The following METTL24 variants were observed in gnomAD, a reference collection of about 807,000 sequenced individuals.
METTL24 encodes the protein probable methyltransferase-like protein 24.
In METTL24, 29 loss-of-function variants were observed where a neutral mutation model predicts 32.7. That is an observed-to-expected ratio of 0.89 (90% CI 0.66 to 1.21). The LOEUF is 1.21. Ranked by LOEUF, METTL24 falls within the 50% of genes most tolerant of loss-of-function variation. METTL24 has a pLI of 0.00. For synonymous variants in METTL24, 163 were observed against 179.5 expected, an observed-to-expected ratio of 0.91 and a Z score of 0.73; for missense variants, 439 against 468.1, an observed-to-expected ratio of 0.94 and a Z score of 0.57.
At chr6:110,253,867 A>C (rs1286113271) in intron 4 of METTL24, 4 of 1,415,700 alleles carry the variant, frequency 2.8e-6, no homozygotes, top group Non-Finnish European at 3.7e-6. Flanking sequence ...TTTTCCTCTA[A>C]AATTTTCTCT....
At chr6:110,314,393 C>T (rs559328387) in intron 3 of METTL24, among the ~76,000 whole-genome samples, 157 of 152,124 alleles carry the variant, frequency 1.0e-3, no homozygotes, top group African/African-American at 3.5e-3. Flanking sequence ...TATATAAATA[C>T]GGGTACATTT....
At chr6:110,293,463 G>A (rs1386048726) in intron 4 of METTL24, among the ~76,000 whole-genome samples, 1 of 151,750 alleles carries the variant, frequency 6.6e-6, no homozygotes, top group Non-Finnish European at 1.5e-5. Context: ...TTGTTTGATA[G>A]TTTTTCATTA....
At chr6:110,350,459 G>A (rs1378298154) in intron 1 of METTL24, among the ~76,000 whole-genome samples, 3 of 152,000 alleles carry the variant, frequency 2.0e-5, no homozygotes, top group Non-Finnish European at 4.4e-5. Flanking sequence ...AGTTGCAAGG[G>A]GGGCTGTGAA....
intron 1 of METTL24, among the ~76,000 whole-genome samples, chr6:110,346,855 G>T (rs1185935034): frequency 6.6e-6 from 1 of 152,044 alleles, no homozygotes; most frequent in East Asian, 1.9e-4. Flanking sequence ...GTATGATGGA[G>T]GTGAAATAGA....
chr6:110,315,859 G>C (rs1699398073), intron 2 of METTL24, among the ~76,000 whole-genome samples: 1 of 152,236 alleles, frequency 6.6e-6, no homozygotes, highest in African/African-American at 2.4e-5. Context: ...ACCAAGAAGG[G>C]CAGTCCAGAC....
intron 1 of METTL24, among the ~76,000 whole-genome samples, chr6:110,324,928 T>G (rs1771992309): frequency 6.6e-6 from 1 of 152,246 alleles, no homozygotes; most frequent in Non-Finnish European, 1.5e-5. Context: ...GGGAGACAGA[T>G]ATGTACAAAA....
At chr6:110,297,756 T>C (rs895053690) in intron 4 of METTL24, among the ~76,000 whole-genome samples, 2 of 152,242 alleles carry the variant, frequency 1.3e-5, no homozygotes, top group Non-Finnish European at 2.9e-5. Context: ...TCTGAGATTT[T>C]ACCCAAAAAT....
At chr6:110,352,540 A>G (rs1772626109) in intron 1 of METTL24, among the ~76,000 whole-genome samples, 1 of 152,010 alleles carries the variant, frequency 6.6e-6, no homozygotes, top group Non-Finnish European at 1.5e-5. Context: ...TTCAATTTTC[A>G]TTCAATTATT....
chr6:110,299,177 C>T (rs769502702), intron 3 of METTL24, 27 bp from the exon 4 acceptor site: 1 of 1,600,248 alleles, frequency 6.2e-7, no homozygotes, highest in Non-Finnish European at 8.5e-7. Flanking sequence ...CGGAAATCAA[C>T]AACAAAAAAT....
chr6:110,350,776 A>ATAAAATAAAG, intron 1 of METTL24, among the ~76,000 whole-genome samples: 1 of 130,766 alleles, frequency 7.6e-6, no homozygotes, highest in Non-Finnish European at 1.6e-5. Context: ...ATAAAATAAA[A>ATAAAATAAAG]TAAAATAAAA....
chr6:110,246,133 T>C lies in METTL24; in HGVS notation c.914A>G (p.Glu305Gly). Reference protein sequence around the residue: ...FEIHLHWPGFEVSGSDSSVVR... With the variant: ...FEIHLHWPGFGVSGSDSSVVR... ...AACGCTGCTGTCACTGCCACTGACC[T>C]CAAACCCAGGCCAGTGGAGATGGAT... is the stretch of plus-strand genomic sequence containing the variant. Residue 305 changes from glutamate to glycine, a missense_variant, in exon 5 of 5, where the codon GAG becomes GGG. Transcript: ENST00000338882. 6.2e-7 allele frequency: 1 copy of C among 1,614,184 alleles called. No homozygotes were observed. The highest frequency in any genetic ancestry group is 8.5e-7 in the Non-Finnish European group (1 of 1,180,034).
At chr6:110,308,327 T>A (rs945551931) in intron 3 of METTL24, among the ~76,000 whole-genome samples, 5 of 152,288 alleles carry the variant, frequency 3.3e-5, no homozygotes, top group African/African-American at 1.2e-4. Flanking sequence ...GGCCCTTGAT[T>A]ATTCTTTTAA....
intron 4 of METTL24, among the ~76,000 whole-genome samples, chr6:110,288,492 C>T (rs2114723153): frequency 6.6e-6 from 1 of 152,276 alleles, no homozygotes. Flanking sequence ...AAACCTACGA[C>T]AACTGGCTCA....
At chr6:110,283,274 G>T (rs1000585776) in intron 4 of METTL24, among the ~76,000 whole-genome samples, 7 of 152,012 alleles carry the variant, frequency 4.6e-5, no homozygotes, top group African/African-American at 1.7e-4. Flanking sequence ...CCACAGGCAG[G>T]TTCCCTTTTT....
intron 4 of METTL24, among the ~76,000 whole-genome samples, chr6:110,270,001 T>G (rs1770925652): frequency 6.6e-6 from 1 of 152,182 alleles, no homozygotes; most frequent in Admixed American, 6.5e-5. Context: ...AAAGACACTT[T>G]TATTTCTTTG....
chr6:110,253,097 C>A (rs1778314111), intron 4 of METTL24, among the ~76,000 whole-genome samples: 1 of 152,128 alleles, frequency 6.6e-6, no homozygotes, highest in Non-Finnish European at 1.5e-5. Context: ...CTACTTTGCT[C>A]AAGAGTATAT....
chr6:110,315,194 A>C, intron 3 of METTL24, 148 bp downstream of exon 3: 1 of 951,660 alleles, frequency 1.1e-6, no homozygotes, highest in African/African-American at 1.6e-5. Context: ...CAGTTACACA[A>C]CAGACAGATC....
intron 1 of METTL24, among the ~76,000 whole-genome samples, chr6:110,334,610 G>T (rs923974646): frequency 1.3e-5 from 2 of 152,168 alleles, no homozygotes; most frequent in Non-Finnish European, 2.9e-5. Flanking sequence ...GGGGGATGGG[G>T]GAGAGCAAAG....
At chr6:110,312,951 T>G (rs1771750697) in intron 3 of METTL24, among the ~76,000 whole-genome samples, 1 of 152,230 alleles carries the variant, frequency 6.6e-6, no homozygotes. Flanking sequence ...TTTGAGCGGT[T>G]AAATTCCCTC....
Sources: gnomAD v4.1 joint callset for allele counts (sites outside exome capture counted in the v4.1 genomes callset) on GRCh38, gnomAD v4.1.1 for gene constraint, MANE v1.5 for transcripts, NCBI Gene and HGNC (gene_info 2026-07-23, HGNC 2026-07-21) for gene names.